The following DZIP1L variants were observed in gnomAD, a reference collection of about 807,000 sequenced individuals.
The protein encoded by DZIP1L is DAZ interacting zinc finger protein 1 like.
Under a neutral mutation model 88.7 loss-of-function variants are expected in DZIP1L, and 90 were observed. The observed-to-expected ratio is 1.02, with a 90% CI of 0.86 to 1.21. The LOEUF (loss-of-function observed/expected upper bound fraction) is 1.21, where lower values mean the gene tolerates loss of function less well. DZIP1L is among the 50% of genes most tolerant of loss of function. The pLI is 0.00. For synonymous variants in DZIP1L, 363 were observed against 372.1 expected (o/e 0.98, Z 0.28); for missense variants, 932 against 955.8 (o/e 0.98, Z 0.33).
chr3:138,072,173 C>G (rs560771139), intron 11 of DZIP1L, among the ~76,000 whole-genome samples: 50 of 152,352 alleles, frequency 3.3e-4, no homozygotes, highest in African/African-American at 1.1e-3. Context: ...TAAGAGACCA[C>G]AGCTTGCTCA....
chr3:138,072,762 C>G (rs1405529486), intron 11 of DZIP1L, among the ~76,000 whole-genome samples: 1 of 152,124 alleles, frequency 6.6e-6, no homozygotes, highest in Non-Finnish European at 1.5e-5. Context: ...GGTTTGTGGT[C>G]TGGGGCAAGT....
chr3:138,085,144 A>G (rs1298673701), intron 7 of DZIP1L, among the ~76,000 whole-genome samples: 1 of 152,092 alleles, frequency 6.6e-6, no homozygotes, highest in Non-Finnish European at 1.5e-5. Context: ...ACCTAAAACC[A>G]TAAAAACCCT....
At chr3:138,074,720 A>T (rs1436854678) in intron 11 of DZIP1L, among the ~76,000 whole-genome samples, 1 of 139,912 alleles carries the variant, frequency 7.1e-6, no homozygotes, top group Non-Finnish European at 1.6e-5. Flanking sequence ...GACCTATACA[A>T]CAATAATACA....
At chr3:138,077,656 G>C in intron 10 of DZIP1L, 24 bp from the exon 11 acceptor site, 1 of 1,612,732 alleles carries the variant, frequency 6.2e-7, no homozygotes, top group South Asian at 1.1e-5. Flanking sequence ...CATTCACCCA[G>C]ATCAGCCTGG....
In DZIP1L at chr3:138,094,853, CCTGCCCACCTGGAG is replaced by C. The variant is rs1427572833; in HGVS notation, c.703_708+8del. 2 of 1,614,010 alleles carry C rather than the reference CCTGCCCACCTGGAG, an allele frequency of 1.2e-6. No individual in the cohort carries two copies. Among genetic ancestry groups the C allele is most frequent in the Admixed American group, 3.3e-5 (2 of 60,006 alleles). Reference sequence around the variant, plus strand: ...CCAAGTCTCCCTGATGTTTTCTCTCCCTGCCCACCTGGAGCTGCCGCTGCCTCTCCGCCTCCCTC... The same window carrying C: ...CCAAGTCTCCCTGATGTTTTCTCTCCCTGCCGCTGCCTCTCCGCCTCCCTC... On this transcript the variant is annotated splice_donor_variant and splice_donor_5th_base_variant and coding_sequence_variant and intron_variant, in exon 4 of 16. Transcript: ENST00000327532. LOFTEE classifies it high-confidence loss of function.
In DZIP1L at chr3:138,103,769, T is replaced by A; in HGVS notation, c.203A>T (p.Asp68Val). Residue 68 changes from aspartate (D) to valine (V), a missense_variant, in exon 2 of 16, where the codon GAC (aspartate) becomes GTC (valine). Transcript: ENST00000327532. ...CCCACAGCGGCTGCACACCTCCCGG[T>A]CCAAGTTGCAGAAGGTGATGCCAGC... is the stretch of plus-strand genomic sequence containing the variant. ...NIAGITFCNLDREVCSRCGQP... is the reference protein window; with the variant it reads ...NIAGITFCNLVREVCSRCGQP... The A allele has an allele frequency of 2.5e-6, 4 of 1,613,984 alleles. No homozygotes were observed. The highest frequency in any genetic ancestry group is 3.4e-6 in the Non-Finnish European group (4 of 1,180,032).
At chr3:138,102,125 C>G in intron 2 of DZIP1L, 1 of 1,414,724 alleles carries the variant, frequency 7.1e-7, no homozygotes, top group Non-Finnish European at 9.9e-7. Context: ...TGTACTGTGC[C>G]TTGACCTCAG....
intron 11 of DZIP1L, among the ~76,000 whole-genome samples, chr3:138,073,407 G>C (rs890257674): frequency 1.1e-4 from 16 of 152,194 alleles, no homozygotes; most frequent in African/African-American, 3.9e-4. Context: ...ACTCTTTGCA[G>C]ACACTCCCCA....
chr3:138,074,045 A>C (rs1943292635), intron 11 of DZIP1L, among the ~76,000 whole-genome samples: 1 of 152,216 alleles, frequency 6.6e-6, no homozygotes, highest in Non-Finnish European at 1.5e-5. Context: ...CAAAGTCTCC[A>C]AGAAGCTTGG....
At chr3:138,092,232 T>C in intron 5 of DZIP1L, 151 bp downstream of exon 5, 1 of 836,324 alleles carries the variant, frequency 1.2e-6, no homozygotes, top group Non-Finnish European at 1.7e-6. Context: ...GCGTCTGAAA[T>C]CTGGGCCTCT....
chr3:138,095,995 T>C (rs1944452651), intron 3 of DZIP1L, among the ~76,000 whole-genome samples: 1 of 152,230 alleles, frequency 6.6e-6, no homozygotes, highest in African/African-American at 2.4e-5. Flanking sequence ...TTGTTACTTT[T>C]TAAAGCATAT....
At chr3:138,077,061 T>G (rs758388216) in intron 11 of DZIP1L, among the ~76,000 whole-genome samples, 1 of 151,766 alleles carries the variant, frequency 6.6e-6, no homozygotes, top group Non-Finnish European at 1.5e-5. Context: ...GACACAGCTT[T>G]CAGTGATGCC....
intron 12 of DZIP1L, chr3:138,069,064 G>T: frequency 8.6e-7 from 1 of 1,160,332 alleles, no homozygotes; most frequent in Non-Finnish European, 1.2e-6. Flanking sequence ...AAACAACGTG[G>T]GGTTGAACAG....
In DZIP1L at chr3:138,062,351, C is replaced by T. The variant is rs59771921; in HGVS notation, c.*465G>A. ...TGCACCCTAACTCAGTAGTGAGAGG[C>T]TAGAGAGCCTGGCGCAGAGTAGGTA... On this transcript the variant is annotated 3_prime_UTR_variant, in exon 16 of 16. Transcript: ENST00000327532. The T allele has an allele frequency of 0.065, 10,361 of 158,838 alleles. 977 individuals are homozygous for T. The highest frequency in any genetic ancestry group is 0.21 in the African/African-American group (8,694 of 41,586). The allele number at this position is 158,838 out of a possible 1,614,324, so 9.8% of individuals were successfully genotyped here.
intron 5 of DZIP1L, among the ~76,000 whole-genome samples, chr3:138,091,206 T>A (rs1944205017): frequency 6.6e-6 from 1 of 151,962 alleles, no homozygotes; most frequent in African/African-American, 2.4e-5. Flanking sequence ...TGTTAGTATA[T>A]CCAGTAGAAG....
chr3:138,092,449 ATCT>A lies in DZIP1L; in HGVS notation c.801_803del (p.Asp268del). The A allele has an allele frequency of 6.2e-7, 1 of 1,607,756 alleles. No individual in the cohort carries two copies. The highest frequency in any genetic ancestry group is 8.5e-7 in the Non-Finnish European group (1 of 1,177,590). ...CATCCCAAAATAATTTTTTTAGTTT[ATCT>A]ATTTCCCCATAAAGTTTGGTCCACT... On this transcript the variant is annotated inframe_deletion, in exon 5 of 16. Transcript: ENST00000327532.
intron 11 of DZIP1L, among the ~76,000 whole-genome samples, chr3:138,072,421 C>T (rs1360423737): frequency 1.3e-5 from 2 of 151,974 alleles, no homozygotes; most frequent in Non-Finnish European, 2.9e-5. Context: ...AATATAGGGC[C>T]AAAGTTAGAG....
At chr3:138,068,956 T>A in intron 12 of DZIP1L, 1 of 1,261,836 alleles carries the variant, frequency 7.9e-7, no homozygotes, top group Non-Finnish European at 1.0e-6. Context: ...AGAGAGTGCA[T>A]CACAGGGAGT....
chr3:138,077,768 G>A (rs1487890114), intron 10 of DZIP1L, 136 bp from the exon 11 acceptor site: 52 of 1,270,478 alleles, frequency 4.1e-5, no homozygotes, highest in Non-Finnish European at 1.5e-5. Flanking sequence ...TTGCACTTGA[G>A]CCCTTAAAGC....
Sources: gnomAD v4.1 joint callset for allele counts (sites outside exome capture counted in the v4.1 genomes callset) on GRCh38, gnomAD v4.1.1 for gene constraint, MANE v1.5 for transcripts, NCBI Gene and HGNC (gene_info 2026-07-23, HGNC 2026-07-21) for gene names.